The following ALPK3 variants were observed in gnomAD, a reference collection of about 807,000 sequenced individuals.
The protein encoded by ALPK3 is alpha kinase 3.
Under a neutral mutation model 140.0 loss-of-function variants are expected in ALPK3, and 102 were observed. The observed-to-expected ratio is 0.73, with a 90% CI of 0.62 to 0.86. The LOEUF is 0.86. ALPK3 is among the 40% of genes least tolerant of loss of function. The pLI is 0.00. For missense variants in ALPK3, 2,254 were observed against 2,208.2 expected, an observed-to-expected ratio of 1.02 and a Z score of -0.42; for synonymous variants, 938 against 898.5, an observed-to-expected ratio of 1.04 and a Z score of -0.79.
chr15:84,821,285 C>T (rs2115630), intron 1 of ALPK3, among the ~76,000 whole-genome samples: 76,032 of 151,958 alleles, frequency 0.5, 19,306 homozygotes, highest in East Asian at 0.79. Context: ...GAGGGCAGGG[C>T]GGTTGGTCCA....
chr15:84,838,062 C>T (rs1310908106), intron 3 of ALPK3, among the ~76,000 whole-genome samples: 2 of 152,152 alleles, frequency 1.3e-5, no homozygotes, highest in Admixed American at 6.5e-5. Context: ...GCTGGAAGTG[C>T]CCAGAGAAGG....
At chr15:84,830,362 C>T (rs1411110322) in intron 3 of ALPK3, among the ~76,000 whole-genome samples, 1 of 152,150 alleles carries the variant, frequency 6.6e-6, no homozygotes, top group Non-Finnish European at 1.5e-5. Context: ...CTCATGTCTT[C>T]CTTTCTTGGT....
At chr15:84,838,139 G>C (rs1285844324) in intron 3 of ALPK3, among the ~76,000 whole-genome samples, 1 of 151,662 alleles carries the variant, frequency 6.6e-6, no homozygotes, top group Non-Finnish European at 1.5e-5. Flanking sequence ...TAGATGTGTG[G>C]ACAGATGGAT....
chr15:84,862,604 G>C (rs776017714), intron 9 of ALPK3, 31 bp from the exon 10 acceptor site: 2 of 1,571,328 alleles, frequency 1.3e-6, no homozygotes, highest in South Asian at 1.2e-5. Flanking sequence ...AGGAGCTCCT[G>C]GTCTCCCACA....
chr15:84,839,660 T>C (rs1233173778), intron 4 of ALPK3, 42 bp from the exon 5 acceptor site: 7 of 1,548,102 alleles, frequency 4.5e-6, no homozygotes, highest in Non-Finnish European at 6.1e-6. Flanking sequence ...GGCTCTCACC[T>C]CCCAGGAGGG....
intron 5 of ALPK3, among the ~76,000 whole-genome samples, chr15:84,853,506 C>T (rs962436463): frequency 1.3e-5 from 2 of 152,114 alleles, no homozygotes. Flanking sequence ...CCCAGCTACT[C>T]GGGAGGCTAA....
chr15:84,839,948 A>T lies in ALPK3; in HGVS notation c.669A>T (p.Arg223=). The T allele has an allele frequency of 6.2e-7, 1 of 1,613,584 alleles. No homozygotes were observed. The highest frequency in any genetic ancestry group is 8.5e-7 in the Non-Finnish European group (1 of 1,179,734). Residue 223 remains arginine (R), a synonymous_variant, in exon 5 of 14, where the codon CGA becomes CGT. Coordinates refer to ENST00000258888, the MANE Select transcript of ALPK3 (RefSeq NM_020778.5). The part of the protein sequence containing the change: ...LRKLSPDRFQ[R]KRRLSGAQAP... ...AGCTCAGCCCCGACCGCTTCCAGCGAAAGCGGCGATTGAGCGGGGCTCAAG... is the reference window on the plus strand; with the variant it reads ...AGCTCAGCCCCGACCGCTTCCAGCGTAAGCGGCGATTGAGCGGGGCTCAAG...
chr15:84,870,987 C>T lies in ALPK3; in HGVS notation c.*2531C>T, dbSNP rs1387547794. The T allele has an allele frequency of 6.6e-6, 1 of 152,472 alleles. No individual in the cohort carries two copies. Among genetic ancestry groups the T allele is most frequent in the African/African-American group, 2.4e-5 (1 of 41,446 alleles). The allele number at this position is 152,472 out of a possible 1,614,324, so 9.4% of individuals were successfully genotyped here. ...TAACTTCGAATTCCAGGGGTAATGA[C>T]ACGGCTTCTATTCTCCAAAGTCCAG... is the stretch of plus-strand genomic sequence containing the variant. On this transcript the variant is annotated 3_prime_UTR_variant, in exon 14 of 14. Coordinates refer to ENST00000258888, the MANE Select transcript of ALPK3 (RefSeq NM_020778.5).
intron 3 of ALPK3, among the ~76,000 whole-genome samples, chr15:84,833,545 T>A (rs1290046996): frequency 6.6e-6 from 1 of 152,172 alleles, no homozygotes; most frequent in Admixed American, 6.5e-5. Flanking sequence ...AGGCTGCTGT[T>A]CTGCTCTTGG....
chr15:84,857,005 T>C lies in ALPK3; in HGVS notation c.2267T>C (p.Phe756Ser), dbSNP rs1022623925. Residue 756 changes from phenylalanine to serine, a missense_variant, in exon 6 of 14, where the codon TTT becomes TCT. Physicochemically the swap from Phe to Ser is radical, Grantham distance 155. Coordinates refer to ENST00000258888, the MANE Select transcript of ALPK3 (RefSeq NM_020778.5). Reference protein sequence around the residue: ...GPRAPLNIECFVQTPEGSCFP... With the variant: ...GPRAPLNIECSVQTPEGSCFP... ...AGAGCTCCTCTGAATATTGAATGTT[T>C]TGTACAGACCCCAGAAGGGTCTTGT... 6.2e-7 allele frequency: 1 copy of C among 1,613,976 alleles called. No individual in the cohort carries two copies. Among genetic ancestry groups the C allele is most frequent in the African/African-American group, 1.3e-5 (1 of 74,886 alleles).
Position 84,857,512 on chromosome 15 carries a change from C to A in ALPK3, c.2774C>A (p.Pro925Gln). ...GGGACCCCCACTCAGAGTCACCCAC[C>A]AGAAACCATGGCCACCAGCAGTGAG... ...GLGTPTQSHP[P>Q]ETMATSSEGA... is the part of the protein sequence containing the mutation. Residue 925 changes from proline to glutamine, a missense_variant, in exon 6 of 14, where the codon CCA becomes CAA. By Grantham distance (76) the Pro-to-Gln change is moderately conservative. Transcript: ENST00000258888. 1 of 1,598,722 alleles carries A rather than the reference C, an allele frequency of 6.3e-7. No homozygotes were observed. Among genetic ancestry groups the A allele is most frequent in the Admixed American group, 1.7e-5 (1 of 59,024 alleles).
chr15:84,840,908 A>G lies in ALPK3; in HGVS notation c.1629A>G (p.Gln543=), dbSNP rs1177784912. ...HGTRDSTLQG[Q]AGHRTPGEVL... ...CCCGGGACAGCACGTTGCAGGGGCA[A>G]GCAGGCCACAGGACTCCAGGAGAGG... The change falls in exon 5 of 14, where the codon CAA becomes CAG. Residue 543 remains glutamine, a synonymous_variant. Coordinates refer to ENST00000258888, the MANE Select transcript of ALPK3 (RefSeq NM_020778.5). 1.2e-6 allele frequency: 2 copies of G among 1,607,220 alleles called. No homozygotes were observed. Among genetic ancestry groups the G allele is most frequent in the African/African-American group, 1.3e-5 (1 of 74,780 alleles).
At chr15:84,837,370 T>C (rs1371347167) in intron 3 of ALPK3, among the ~76,000 whole-genome samples, 1 of 152,104 alleles carries the variant, frequency 6.6e-6, no homozygotes, top group Non-Finnish European at 1.5e-5. Flanking sequence ...TGGGATCCAG[T>C]GAGGGGCCGC....
In ALPK3 at chr15:84,868,921, TC is replaced by T. The variant is rs1194399705; in HGVS notation, c.*467del. ...TCGCCTGTCCTCAGGGATCCAGACTTCCTCTGCTGGTCTGGCCTGGTGACTC... is the reference window on the plus strand; with the variant it reads ...TCGCCTGTCCTCAGGGATCCAGACTTCTCTGCTGGTCTGGCCTGGTGACTC... On this transcript the variant is annotated 3_prime_UTR_variant, in exon 14 of 14. Coordinates refer to ENST00000258888, the MANE Select transcript of ALPK3 (RefSeq NM_020778.5). 3 of 171,794 alleles carry T rather than the reference TC, an allele frequency of 1.7e-5. No individual in the cohort carries two copies. The highest frequency in any genetic ancestry group is 7.1e-5 in the African/African-American group (3 of 42,056). 10.6% of individuals were successfully genotyped at this position (171,794 alleles called of 1,614,324 possible).
At chr15:84,833,586 T>G (rs903624565) in intron 3 of ALPK3, among the ~76,000 whole-genome samples, 12 of 152,314 alleles carry the variant, frequency 7.9e-5, no homozygotes, top group African/African-American at 2.4e-4. Context: ...ACGTGCACTC[T>G]TCCTTCCTCA....
intron 1 of ALPK3, among the ~76,000 whole-genome samples, chr15:84,819,565 A>T (rs1027540508): frequency 6.6e-6 from 1 of 152,188 alleles, no homozygotes; most frequent in African/African-American, 2.4e-5. Flanking sequence ...GGAGGGAGCC[A>T]CCGTACTGTC....
Position 84,868,252 on chromosome 15 carries a change from A to C in ALPK3, c.4914A>C (p.Lys1638Asn), listed in dbSNP as rs374946967. 1 of 1,614,088 alleles carries C rather than the reference A, an allele frequency of 6.2e-7. No individual in the cohort carries two copies. The highest frequency in any genetic ancestry group is 8.5e-7 in the Non-Finnish European group (1 of 1,180,022). ...PEAAHPQAKAKGSKSPSAGRK... is the reference protein window; with the variant it reads ...PEAAHPQAKANGSKSPSAGRK... ...CGGCCCACCCCCAAGCCAAAGCCAA[A>C]GGCTCTAAGAGTCCATCTGCTGGCA... The change falls in exon 14 of 14, where the codon AAA becomes AAC. Residue 1638 changes from lysine to asparagine, a missense_variant. Physicochemically the swap from Lys to Asn is moderately conservative, Grantham distance 94. This residue lies in a region of ALPK3 where 158 missense variants were observed against 159.8 expected (regional missense o/e 0.99). Coordinates refer to ENST00000258888, the MANE Select transcript of ALPK3 (RefSeq NM_020778.5).
chr15:84,857,571 C>T lies in ALPK3; in HGVS notation c.2833C>T (p.Arg945Trp), dbSNP rs565789183. The change falls in exon 6 of 14, where the codon CGG becomes TGG. Residue 945 changes from arginine (R) to tryptophan (W), a missense_variant. By Grantham distance (101) the Arg-to-Trp change is moderately radical. Coordinates refer to ENST00000258888, the MANE Select transcript of ALPK3 (RefSeq NM_020778.5). ...ACAQVPDVEG[R>W]TPGPRSCDPG... ...CGCCCAGGTACCAGATGTGGAGGGG[C>T]GGACCCCAGGTCCCCGGAGCTGTGA... 4.1e-5 allele frequency: 65 copies of T among 1,575,108 alleles called. 2 individuals are homozygous for T. The highest frequency in any genetic ancestry group is 3.4e-4 in the Middle Eastern group (2 of 5,862).
chr15:84,830,318 T>C (rs1963533014), intron 3 of ALPK3, among the ~76,000 whole-genome samples: 1 of 152,228 alleles, frequency 6.6e-6, no homozygotes, highest in Admixed American at 6.5e-5. Context: ...CTCTTCCCTT[T>C]GCTTTTCTGT....
Sources: gnomAD v4.1 joint callset for allele counts (sites outside exome capture counted in the v4.1 genomes callset) on GRCh38, gnomAD v4.1.1 for gene constraint, gnomAD v4.1.1 regional missense constraint, MANE v1.5 for transcripts, NCBI Gene and HGNC (gene_info 2026-07-23, HGNC 2026-07-21) for gene names.